HPSE2: variants seen among roughly 807,000 people sequenced by gnomAD.
HPSE2 encodes inactive heparanase-2.
In HPSE2, 38 loss-of-function variants were observed where a neutral mutation model predicts 60.5. That is an observed-to-expected ratio of 0.63 (90% CI 0.48 to 0.82). The LOEUF is 0.82. HPSE2 is among the 40% of genes least tolerant of loss of function. The probability of loss-of-function intolerance (pLI) is 0.00; values close to 1 mark genes in which losing one functional copy is unlikely to be tolerated. For missense variants in HPSE2, 713 were observed against 740.4 expected, an observed-to-expected ratio of 0.96 and a Z score of 0.43; for synonymous variants, 295 against 293.2, an observed-to-expected ratio of 1.01 and a Z score of -0.06.
chr10:99,229,513 T>C (rs1457336554), intron 2 of HPSE2, among the ~76,000 whole-genome samples: 1 of 152,216 alleles, frequency 6.6e-6, no homozygotes, highest in Non-Finnish European at 1.5e-5. Context: ...TATAGTGTTG[T>C]GCAGTCAAAA....
At position 99,213,110 on chromosome 10, in the gene HPSE2, C is replaced by CA. The variant is rs1407069998; in HGVS notation, c.448+19237dup. 3.3e-5 allele frequency among the ~76,000 whole-genome samples: 5 copies of CA among 151,952 alleles called. No individual in the cohort carries two copies. In the East Asian group the frequency reaches 7.7e-4, roughly 24 times the overall value. ...GTAGGAAAGAGAATTGGCACTGTAT[C>CA]AAAAAAGCTTCATTATACTCGAACT... On this transcript the variant is annotated intron_variant, in intron 2 of 11. Transcript: ENST00000370552.
rs1565113167 is a variant in HPSE2, at chr10:98,725,158, CA to C, written c.785-3331del. Among the ~76,000 whole-genome samples the C allele has an allele frequency of 2.0e-5, 3 of 152,132 alleles. No homozygotes were observed. The South Asian group carries it at 6.2e-4, about 32-fold the overall frequency. On this transcript the variant is annotated intron_variant, in intron 4 of 11. Coordinates refer to ENST00000370552, the MANE Select transcript of HPSE2 (RefSeq NM_021828.5). ...AATTGCTTTAAAGTTCATATGGAAC[CA>C]AAAAAGAGCCCACATTGCCAAGTCA...
At chr10:98,921,580 A>G (rs1290841624) in intron 3 of HPSE2, among the ~76,000 whole-genome samples, 1 of 152,228 alleles carries the variant, frequency 6.6e-6, no homozygotes, top group African/African-American at 2.4e-5. Flanking sequence ...CTAAATGTTC[A>G]TGGTAAATAA....
chr10:98,775,351 A>G (rs1374443412), intron 3 of HPSE2, among the ~76,000 whole-genome samples: 2 of 152,184 alleles, frequency 1.3e-5, no homozygotes, highest in Non-Finnish European at 2.9e-5. Flanking sequence ...ACCCCATCTT[A>G]ACTAGGGCAC....
chr10:98,596,394 A>G (rs940019633), intron 9 of HPSE2, among the ~76,000 whole-genome samples: 3 of 152,132 alleles, frequency 2.0e-5, no homozygotes, highest in African/African-American at 7.2e-5. Flanking sequence ...TTACAGTATT[A>G]AAGTATTCTG....
At position 98,770,584 on chromosome 10, in the gene HPSE2, T is replaced by A. The variant is rs576068339; in HGVS notation, c.611-26528A>T. On this transcript the variant is annotated intron_variant, in intron 3 of 11. Transcript: ENST00000370552. Reference sequence around the variant, plus strand: ...CTGCAGATAATTTTGGCTTGAGGACTCCCCATGAGCCTGGCTGAATCATTT... The same window carrying A: ...CTGCAGATAATTTTGGCTTGAGGACACCCCATGAGCCTGGCTGAATCATTT... Among the ~76,000 whole-genome samples the A allele has an allele frequency of 2.0e-5, 3 of 152,206 alleles. No homozygotes were observed. In the South Asian group the frequency reaches 6.2e-4, roughly 32 times the overall value.
At chr10:99,213,487 CA>C (rs1281915587) in intron 2 of HPSE2, among the ~76,000 whole-genome samples, 1 of 151,900 alleles carries the variant, frequency 6.6e-6, no homozygotes, top group Non-Finnish European at 1.5e-5. Context: ...GCAAAAAAAA[CA>C]AAAAACACCA....
At chr10:98,630,218 G>C (rs1303579557) in intron 7 of HPSE2, among the ~76,000 whole-genome samples, 1 of 136,694 alleles carries the variant, frequency 7.3e-6, no homozygotes, top group East Asian at 2.3e-4. Context: ...TTGTTTTTGA[G>C]ACAGAGTCTC....
intron 4 of HPSE2, among the ~76,000 whole-genome samples, chr10:98,723,833 C>A (rs373369681): frequency 6.6e-6 from 1 of 151,848 alleles, no homozygotes; most frequent in Admixed American, 6.6e-5. Context: ...TTTTTTATTG[C>A]GTCTATTTGA....
At chr10:99,186,057 C>T (rs1847996562) in intron 2 of HPSE2, among the ~76,000 whole-genome samples, 1 of 146,586 alleles carries the variant, frequency 6.8e-6, no homozygotes, top group Non-Finnish European at 1.5e-5. Context: ...GACAATAAAC[C>T]ATGGCCAGAT....
chr10:98,827,958 AC>A (rs1951591622), intron 3 of HPSE2, among the ~76,000 whole-genome samples: 4 of 152,202 alleles, frequency 2.6e-5, no homozygotes, highest in African/African-American at 9.6e-5. Context: ...ATGTGAGTAA[AC>A]CTCATCCAAT....
intron 2 of HPSE2, among the ~76,000 whole-genome samples, chr10:99,180,682 C>T (rs976554431): frequency 6.6e-6 from 1 of 151,574 alleles, no homozygotes; most frequent in Non-Finnish European, 1.5e-5. Flanking sequence ...CTCAGGAGTT[C>T]GAGACCAGCC....
intron 3 of HPSE2, among the ~76,000 whole-genome samples, chr10:98,942,632 G>A (rs1221846910): frequency 6.6e-6 from 1 of 152,158 alleles, no homozygotes; most frequent in Non-Finnish European, 1.5e-5. Context: ...CACTGTTGGT[G>A]GGACTGTCAA....
At chr10:99,306,043 A>T in the HPSE2 span, among the ~76,000 whole-genome samples, 4 of 146,420 alleles carry the variant, frequency 2.7e-5, no homozygotes, top group Admixed American at 2.7e-4. Flanking sequence ...GAGAGAACAA[A>T]GGAAGAGAGA....
intron 3 of HPSE2, among the ~76,000 whole-genome samples, chr10:99,081,431 C>T (rs1056071863): frequency 6.6e-6 from 1 of 152,036 alleles, no homozygotes; most frequent in Non-Finnish European, 1.5e-5. Flanking sequence ...GTCTCAGGTG[C>T]CTCATCTGCA....
the HPSE2 span, among the ~76,000 whole-genome samples, chr10:99,274,662 G>T: frequency 0.75 from 113,743 of 152,066 alleles, 42,794 homozygotes; most frequent in African/African-American, 0.82. Context: ...AAAAGAGAGA[G>T]AACATTTCCA....
At chr10:99,144,868 C>T (rs1054317126) in intron 2 of HPSE2, among the ~76,000 whole-genome samples, 5 of 152,186 alleles carry the variant, frequency 3.3e-5, no homozygotes, top group Admixed American at 2.0e-4. Flanking sequence ...ATTCACCTGC[C>T]AGCCAGCCTA....
At position 98,691,272 on chromosome 10, in the gene HPSE2, G is replaced by C. The variant is rs544273473; in HGVS notation, c.1004+2628C>G. On this transcript the variant is annotated intron_variant, in intron 6 of 11. Coordinates refer to ENST00000370552, the MANE Select transcript of HPSE2 (RefSeq NM_021828.5). Reference sequence around the variant, plus strand: ...TGTCCTCTAATGAATGCTGATCCTGGAGCCAAAAGAAATACAACCCCCTGC... The same window carrying C: ...TGTCCTCTAATGAATGCTGATCCTGCAGCCAAAAGAAATACAACCCCCTGC... Among the ~76,000 whole-genome samples the C allele has an allele frequency of 3.3e-5, 5 of 152,204 alleles. No homozygotes were observed. In the South Asian group the frequency reaches 1.0e-3, roughly 32 times the overall value.
At chr10:99,169,992 A>C (rs1353976366) in intron 2 of HPSE2, among the ~76,000 whole-genome samples, 1 of 152,244 alleles carries the variant, frequency 6.6e-6, no homozygotes. Context: ...TATGCAATAC[A>C]TAAATGAATA....
Sources: allele counts gnomAD v4.1 joint callset (sites outside exome capture counted in the v4.1 genomes callset), GRCh38; gene constraint gnomAD v4.1.1; transcripts MANE v1.5; gene names NCBI Gene and HGNC (gene_info 2026-07-23, HGNC 2026-07-21).